Variants in NPAS2 observed in about 807,000 individuals in gnomAD.
NPAS2 encodes neuronal PAS domain protein 2.
In NPAS2, 23 loss-of-function variants were observed where a neutral mutation model predicts 107.5. The ratio of observed to expected loss-of-function variants is 0.21; its 90% confidence interval spans 0.15 to 0.30. NPAS2 has a LOEUF of 0.30. Ranked by LOEUF, NPAS2 falls within the 10% of genes least tolerant of loss-of-function variation. NPAS2 has a pLI of 1.00. For synonymous variants in NPAS2, 403 were observed against 417.5 expected, an observed-to-expected ratio of 0.97 and a Z score of 0.42; for missense variants, 756 against 1,043.3, an observed-to-expected ratio of 0.72 and a Z score of 3.79.
At chr2:100,892,286 A>G (rs937002135) in intron 1 of NPAS2, among the ~76,000 whole-genome samples, 7 of 152,144 alleles carry the variant, frequency 4.6e-5, no homozygotes, top group Middle Eastern at 3.2e-3. Context: ...TTAATAACAA[A>G]TTTTTCAACT....
At chr2:100,973,135 C>T (rs1011807523) in intron 12 of NPAS2, among the ~76,000 whole-genome samples, 1 of 151,708 alleles carries the variant, frequency 6.6e-6, no homozygotes, top group African/African-American at 2.4e-5. Flanking sequence ...GCCGAGATTG[C>T]GCCATTGCAC....
chr2:100,942,426 T>C (rs1171794883), intron 5 of NPAS2, among the ~76,000 whole-genome samples: 1 of 152,092 alleles, frequency 6.6e-6, no homozygotes, highest in East Asian at 1.9e-4. Flanking sequence ...CCACATCATT[T>C]TGTCAGAGGT....
At position 100,974,895 on chromosome 2, in the gene NPAS2, C is replaced by T; in HGVS notation, c.1233C>T (p.Ser411=). Residue 411 remains serine (S), a synonymous_variant, in exon 13 of 21, where the codon TCC becomes TCT. Transcript: ENST00000335681. ...GLNTSHSPSA[S]SRSSHKSSHT... ...ATACCAGTCATTCGCCATCGGCGTC[C>T]TCAAGAAGTTCCCACAAATCCTCGC... 1 of 1,614,044 alleles carries T rather than the reference C, an allele frequency of 6.2e-7. No individual in the cohort carries two copies. Among genetic ancestry groups the T allele is most frequent in the Non-Finnish European group, 8.5e-7 (1 of 1,179,968 alleles).
At chr2:100,867,843 A>T (rs1679350498) in intron 1 of NPAS2, among the ~76,000 whole-genome samples, 2 of 152,096 alleles carry the variant, frequency 1.3e-5, no homozygotes, top group Admixed American at 1.3e-4. Context: ...GCTCAGCTGA[A>T]GTACTTATTT....
Position 100,991,009 on chromosome 2 carries a change from GA to G in NPAS2, c.2111+139del. 6 of 711,454 alleles carry G rather than the reference GA, an allele frequency of 8.4e-6. No individual in the cohort carries two copies. In the South Asian group the frequency reaches 1.0e-4, roughly 12 times the overall value. The allele number at this position is 711,454 out of a possible 1,614,324, so 44.1% of individuals were successfully genotyped here. ...AAGGTCTGAGTGTGCCCACAGCTGT[GA>G]AGGGGACGCTGCCCCTCAGCTTTTC... On this transcript the variant is annotated intron_variant, in intron 19 of 20. Coordinates refer to ENST00000335681, the MANE Select transcript of NPAS2 (RefSeq NM_002518.4).
chr2:100,969,267 G>C (rs1216241212), intron 11 of NPAS2, among the ~76,000 whole-genome samples: 1 of 151,778 alleles, frequency 6.6e-6, no homozygotes, highest in African/African-American at 2.4e-5. Flanking sequence ...ATGGTGCATG[G>C]TGCCATGCAC....
chr2:100,890,272 G>A (rs1680966088), intron 1 of NPAS2, among the ~76,000 whole-genome samples: 1 of 152,218 alleles, frequency 6.6e-6, no homozygotes, highest in Non-Finnish European at 1.5e-5. Context: ...GGGCTCAGAG[G>A]TAGTGCGAGC....
Position 100,970,916 on chromosome 2 carries a change from G to A in NPAS2, c.1056-74G>A, listed in dbSNP as rs1002790251. The A allele has an allele frequency of 3.8e-6, 5 of 1,323,758 alleles. No individual in the cohort carries two copies. In the Admixed American group the frequency reaches 8.5e-5, roughly 23 times the overall value. The allele number at this position is 1,323,758 out of a possible 1,614,324, so 82.0% of individuals were successfully genotyped here. On this transcript the variant is annotated intron_variant, in intron 11 of 20. Coordinates refer to ENST00000335681, the MANE Select transcript of NPAS2 (RefSeq NM_002518.4). ...TACGTAGAGAACCTCGATGTACCTTGCTGTCTGTTCAGGTGGTGTCATCCC... is the reference window on the plus strand; with the variant it reads ...TACGTAGAGAACCTCGATGTACCTTACTGTCTGTTCAGGTGGTGTCATCCC...
At chr2:100,838,339 G>A (rs568946210) in intron 1 of NPAS2, among the ~76,000 whole-genome samples, 3 of 152,148 alleles carry the variant, frequency 2.0e-5, no homozygotes, top group Admixed American at 6.5e-5. Flanking sequence ...GTGTAGTGGT[G>A]CAATCTCAGC....
chr2:100,909,552 C>T (rs563116447), intron 2 of NPAS2, among the ~76,000 whole-genome samples: 2 of 152,336 alleles, frequency 1.3e-5, no homozygotes, highest in Non-Finnish European at 2.9e-5. Flanking sequence ...CATGCAGGCA[C>T]AGTGCAGTGA....
chr2:100,957,557 C>T (rs1675642336), intron 7 of NPAS2, among the ~76,000 whole-genome samples: 1 of 152,260 alleles, frequency 6.6e-6, no homozygotes, highest in African/African-American at 2.4e-5. Flanking sequence ...TTCTCAAACC[C>T]CAGGTGCCCA....
At chr2:100,908,448 G>A (rs1341960410) in intron 2 of NPAS2, among the ~76,000 whole-genome samples, 1 of 152,122 alleles carries the variant, frequency 6.6e-6, no homozygotes, top group African/African-American at 2.4e-5. Flanking sequence ...CCAGTTGGCA[G>A]CAGGCAGGGA....
chr2:100,923,358 G>A (rs1190691858), intron 2 of NPAS2, among the ~76,000 whole-genome samples: 5 of 152,172 alleles, frequency 3.3e-5, no homozygotes, highest in South Asian at 2.1e-4. Context: ...ACTGAGATAG[G>A]ACCGGTAAAA....
At chr2:100,993,242 T>C (rs1007182996) in intron 19 of NPAS2, 105 bp from the exon 20 acceptor site, 1 of 1,198,370 alleles carries the variant, frequency 8.3e-7, no homozygotes, top group African/African-American at 1.5e-5. Flanking sequence ...CAAAAGTTTC[T>C]TATGAAGTCC....
chr2:100,866,603 A>G (rs1679271364), intron 1 of NPAS2, among the ~76,000 whole-genome samples: 1 of 152,248 alleles, frequency 6.6e-6, no homozygotes, highest in African/African-American at 2.4e-5. Context: ...CAAAATATTC[A>G]GAATTATTAC....
intron 1 of NPAS2, among the ~76,000 whole-genome samples, chr2:100,862,714 G>A (rs908130273): frequency 2.0e-5 from 3 of 152,186 alleles, no homozygotes; most frequent in Non-Finnish European, 4.4e-5. Context: ...CCTGAAACAC[G>A]CATTGGGCCT....
intron 5 of NPAS2, 105 bp downstream of exon 5, chr2:100,937,947 G>A (rs1684441315): frequency 1.1e-6 from 1 of 926,404 alleles, no homozygotes; most frequent in Admixed American, 1.7e-5. Flanking sequence ...GGGGCTGCAG[G>A]TGAGAAGAGG....
At chr2:100,874,982 T>C (rs1679863310) in intron 1 of NPAS2, among the ~76,000 whole-genome samples, 1 of 152,194 alleles carries the variant, frequency 6.6e-6, no homozygotes, top group African/African-American at 2.4e-5. Context: ...AGTTTCTATT[T>C]ATTGAAAATG....
intron 7 of NPAS2, among the ~76,000 whole-genome samples, chr2:100,949,912 T>A (rs1675124670): frequency 6.6e-6 from 1 of 152,236 alleles, no homozygotes; most frequent in Admixed American, 6.5e-5. Flanking sequence ...GTAGGTCTTC[T>A]GCTCACTGTG....
Sources: allele counts gnomAD v4.1 joint callset (sites outside exome capture counted in the v4.1 genomes callset), GRCh38; gene constraint gnomAD v4.1.1; transcripts MANE v1.5; gene names NCBI Gene and HGNC (gene_info 2026-07-23, HGNC 2026-07-21).